Variants in COPS8 observed in about 807,000 individuals in gnomAD.
COPS8 encodes the protein COP9 signalosome complex subunit 8.
Under a neutral mutation model 31.5 loss-of-function variants are expected in COPS8, and 11 were observed. The observed-to-expected ratio is 0.35, with a 90% CI of 0.22 to 0.58. The LOEUF (loss-of-function observed/expected upper bound fraction) is 0.58, where lower values mean the gene tolerates loss of function less well. COPS8 is among the 20% of genes least tolerant of loss of function. The pLI is 0.83. For missense variants in COPS8, 215 were observed against 255.1 expected (o/e 0.84, Z 1.07); for synonymous variants, 81 against 89.3 (o/e 0.91, Z 0.52).
Position 237,098,530 on chromosome 2 carries a change from C to G in COPS8, c.*788C>G, listed in dbSNP as rs1282177427. The G allele has an allele frequency of 6.6e-6, 1 of 152,220 alleles. No individual in the cohort carries two copies. Among genetic ancestry groups the G allele is most frequent in the Non-Finnish European group, 1.5e-5 (1 of 68,040 alleles). The allele number at this position is 152,220 out of a possible 1,614,324, so 9.4% of individuals were successfully genotyped here. A position where few individuals can be genotyped will look rare whatever the true frequency, so the allele number is the denominator to read the frequency against. ...GCCCATTGGTTGCTTATATTTATCG[C>G]TTGGCTCAAGTTCTGCCCTTTGGAG... is the stretch of plus-strand genomic sequence containing the variant. On this transcript the variant is annotated 3_prime_UTR_variant, in exon 8 of 8. Coordinates refer to ENST00000354371, the MANE Select transcript of COPS8 (RefSeq NM_006710.5).
At chr2:237,090,415 A>C (rs1251957206) in intron 4 of COPS8, among the ~76,000 whole-genome samples, 1 of 152,218 alleles carries the variant, frequency 6.6e-6, no homozygotes, top group Non-Finnish European at 1.5e-5. Flanking sequence ...ATAGATGCTC[A>C]AATGTGTTTT....
At chr2:237,093,960 C>T (rs1382498453) in intron 4 of COPS8, 130 bp from the exon 5 acceptor site, 44 of 1,437,770 alleles carry the variant, frequency 3.1e-5, no homozygotes, top group Non-Finnish European at 4.0e-5. Context: ...TATCTATAAG[C>T]ACAGAAATCT....
intron 4 of COPS8, among the ~76,000 whole-genome samples, chr2:237,090,511 C>G (rs13414151): frequency 0.062 from 9,430 of 152,278 alleles, 982 homozygotes; most frequent in African/African-American, 0.21. Context: ...TACAGTCTCT[C>G]ACCCCTAGCA....
In COPS8 at chr2:237,088,645, A is replaced by G. The variant is rs115111928; in HGVS notation, c.190A>G (p.Ile64Val). The G allele has an allele frequency of 3.2e-4, 509 of 1,592,830 alleles. 1 individual carries two copies. The African/African-American group carries it at 6.0e-3, about 19-fold the overall frequency. ...RYLWKRIPPA[I>V]KSANSELGGI... Reference sequence around the variant, plus strand: ...TCTTTGGAAAAGAATACCACCTGCTATAAAATCTGTAAGTATCCTTTAAAC... The same window carrying G: ...TCTTTGGAAAAGAATACCACCTGCTGTAAAATCTGTAAGTATCCTTTAAAC... The change falls in exon 3 of 8, where the codon ATA becomes GTA. Residue 64 changes from isoleucine to valine, a missense_variant. By Grantham distance (29) the Ile-to-Val change is conservative (BLOSUM62 3). Coordinates refer to ENST00000354371, the MANE Select transcript of COPS8 (RefSeq NM_006710.5).
At chr2:237,096,161 G>A (rs926425158) in intron 6 of COPS8, among the ~76,000 whole-genome samples, 9 of 152,006 alleles carry the variant, frequency 5.9e-5, no homozygotes, top group African/African-American at 2.2e-4. Context: ...CTTTTATGGA[G>A]CCATTTGTAA....
rs1250063157 is a variant in COPS8 at position 237,097,657 on chromosome 2, A to G, written c.551-6A>G. 2 of 1,610,964 alleles carry G rather than the reference A, an allele frequency of 1.2e-6. No individual in the cohort carries two copies. The highest frequency in any genetic ancestry group is 1.7e-6 in the Non-Finnish European group (2 of 1,177,424). The stretch of plus-strand genomic sequence containing the variant: ...CATGAAGTGTGTTTGTTTCTTTAAC[A>G]TACAGAGCCTGCTCCAGTTCCCCCA... On this transcript the variant is annotated splice_polypyrimidine_tract_variant and splice_region_variant and intron_variant, in intron 7 of 7. Coordinates refer to ENST00000354371, the MANE Select transcript of COPS8 (RefSeq NM_006710.5).
At chr2:237,089,612 T>G (rs1696673082) in intron 3 of COPS8, among the ~76,000 whole-genome samples, 1 of 152,242 alleles carries the variant, frequency 6.6e-6, no homozygotes, top group Non-Finnish European at 1.5e-5. Context: ...TTCTCATGCC[T>G]TAATTTGCTA....
Position 237,085,912 on chromosome 2 carries a change from A to C in COPS8, c.-53A>C. 25 of 1,536,716 alleles carry C rather than the reference A, an allele frequency of 1.6e-5. No individual in the cohort carries two copies. Among genetic ancestry groups the C allele is most frequent in the South Asian group, 2.3e-5 (2 of 86,822 alleles). On this transcript the variant is annotated 5_prime_UTR_variant, in exon 1 of 8. Coordinates refer to ENST00000354371, the MANE Select transcript of COPS8 (RefSeq NM_006710.5). ...TCATCGCGGGCGCGACGCCTGAGGG[A>C]CAGTCTGGGGTTTGGCTGTCCGGAC...
At chr2:237,087,519 A>T in intron 2 of COPS8, 1 of 332,064 alleles carries the variant, frequency 3.0e-6, no homozygotes, top group Non-Finnish European at 6.1e-6. Context: ...AAACAAAAGA[A>T]GTGAAAAGAG....
intron 4 of COPS8, 121 bp from the exon 5 acceptor site, chr2:237,093,969 C>A: frequency 6.9e-7 from 1 of 1,455,480 alleles, no homozygotes; most frequent in South Asian, 1.5e-5. Flanking sequence ...GCACAGAAAT[C>A]TTTGGGTTCA....
chr2:237,090,990 A>G (rs761745942), intron 4 of COPS8, among the ~76,000 whole-genome samples: 1 of 152,200 alleles, frequency 6.6e-6, no homozygotes, highest in Non-Finnish European at 1.5e-5. Context: ...TTAGCGTTAT[A>G]GTGGACTTCC....
chr2:237,086,101 A>G, intron 1 of COPS8, 59 bp downstream of exon 1: 1 of 1,487,388 alleles, frequency 6.7e-7, no homozygotes, highest in East Asian at 2.4e-5. Flanking sequence ...CTGGGGCGGC[A>G]CCAGTTTCCA....
intron 4 of COPS8, among the ~76,000 whole-genome samples, chr2:237,090,241 A>C (rs755196386): frequency 1.3e-5 from 2 of 152,132 alleles, no homozygotes; most frequent in African/African-American, 2.4e-5. Context: ...CAGTTTTAAG[A>C]GTTTTTTTTG....
At position 237,085,909 on chromosome 2, in the gene COPS8, G is replaced by C; in HGVS notation, c.-56G>C. On this transcript the variant is annotated 5_prime_UTR_variant, in exon 1 of 8. Transcript: ENST00000354371. ...ACGTCATCGCGGGCGCGACGCCTGAGGGACAGTCTGGGGTTTGGCTGTCCG... is the reference window on the plus strand; with the variant it reads ...ACGTCATCGCGGGCGCGACGCCTGACGGACAGTCTGGGGTTTGGCTGTCCG... 1 of 1,544,800 alleles carries C rather than the reference G, an allele frequency of 6.5e-7. No individual in the cohort carries two copies. The highest frequency in any genetic ancestry group is 8.9e-7 in the Non-Finnish European group (1 of 1,127,388).
chr2:237,095,225 G>A (rs187621544), intron 5 of COPS8, among the ~76,000 whole-genome samples: 87 of 152,152 alleles, frequency 5.7e-4, no homozygotes, highest in Middle Eastern at 3.4e-3. Flanking sequence ...TTCAGAGCTC[G>A]TATTCTCAGC....
Position 237,087,321 on chromosome 2 carries a change from G to A in COPS8, c.149+124G>A, listed in dbSNP as rs1445219787. The A allele has an allele frequency of 6.5e-6, 4 of 616,384 alleles. No individual in the cohort carries two copies. The South Asian group carries it at 9.2e-5, about 14-fold the overall frequency. The allele number at this position is 616,384 out of a possible 1,614,324, so 38.2% of individuals were successfully genotyped here. On this transcript the variant is annotated intron_variant, in intron 2 of 7. Coordinates refer to ENST00000354371, the MANE Select transcript of COPS8 (RefSeq NM_006710.5). ...AGCTACCTTTTTTATTACAGTAATT[G>A]TTAACGTCTATTTCCTATTGAATCA...
chr2:237,093,003 G>A (rs1696733775), intron 4 of COPS8, among the ~76,000 whole-genome samples: 1 of 152,216 alleles, frequency 6.6e-6, no homozygotes, highest in Non-Finnish European at 1.5e-5. Flanking sequence ...GTGGAACAGT[G>A]TCTGCCGTAG....
At chr2:237,096,784 T>C in intron 6 of COPS8, 38 bp from the exon 7 acceptor site, 1 of 1,530,868 alleles carries the variant, frequency 6.5e-7, no homozygotes, top group East Asian at 2.2e-5. Context: ...TACAATGACT[T>C]CTGTAAATTG....
At chr2:237,096,719 A>T in intron 6 of COPS8, 103 bp from the exon 7 acceptor site, 1 of 828,556 alleles carries the variant, frequency 1.2e-6, no homozygotes, top group Non-Finnish European at 2.0e-6. Flanking sequence ...TTTGAGAAAT[A>T]AATGGCCGTT....
Sources: allele counts gnomAD v4.1 joint callset (sites outside exome capture counted in the v4.1 genomes callset), GRCh38; gene constraint gnomAD v4.1.1; transcripts MANE v1.5; gene names NCBI Gene and HGNC (gene_info 2026-07-23, HGNC 2026-07-21).